Variants in CCDC88C observed in about 807,000 individuals in gnomAD.
The protein encoded by CCDC88C is protein Daple.
Under a neutral mutation model 198.8 loss-of-function variants are expected in CCDC88C, and 131 were observed. The observed-to-expected ratio is 0.66, with a 90% CI of 0.57 to 0.76. The LOEUF is 0.76. CCDC88C is among the 30% of genes least tolerant of loss of function. The pLI is 0.00. For missense variants in CCDC88C, 2,553 were observed against 2,631.6 expected (o/e 0.97, Z 0.65); for synonymous variants, 1,166 against 1,114.7 (o/e 1.05, Z -0.92).
chr14:91,348,346 A>G (rs1387214201), intron 4 of CCDC88C, among the ~76,000 whole-genome samples: 1 of 123,954 alleles, frequency 8.1e-6, no homozygotes, highest in South Asian at 2.6e-4. Flanking sequence ...AAAAAAAATT[A>G]GCCTGGCCTG....
intron 3 of CCDC88C, among the ~76,000 whole-genome samples, chr14:91,387,655 C>T (rs1885226650): frequency 2.0e-5 from 3 of 152,176 alleles, no homozygotes; most frequent in Admixed American, 2.0e-4. Flanking sequence ...AAGAAGTGCA[C>T]GGGCCAGCTG....
intron 3 of CCDC88C, among the ~76,000 whole-genome samples, chr14:91,376,731 G>C (rs1884443529): frequency 6.6e-6 from 1 of 152,178 alleles, no homozygotes; most frequent in Non-Finnish European, 1.5e-5. Context: ...CCCTCCCATG[G>C]GGGCCACGCA....
chr14:91,405,205 T>G (rs1886418857), intron 3 of CCDC88C, among the ~76,000 whole-genome samples: 1 of 152,074 alleles, frequency 6.6e-6, no homozygotes, highest in Admixed American at 6.6e-5. Flanking sequence ...CGGCCCACGC[T>G]CTTTAGGAAA....
chr14:91,281,187 G>A, intron 27 of CCDC88C: 1 of 765,822 alleles, frequency 1.3e-6, no homozygotes, highest in Non-Finnish European at 2.1e-6. Context: ...TTCCTGGCCA[G>A]CCTGGAAGGG....
Position 91,289,093 on chromosome 14 carries a change from G to T in CCDC88C, c.4441+12C>A. ...TTCCTCACCCGACCACGGCCAGGAC[G>T]GCCGCCCCTACCTTTCCCCACAGAC... On this transcript the variant is annotated intron_variant, in intron 25 of 29. Coordinates refer to ENST00000389857, the MANE Select transcript of CCDC88C (RefSeq NM_001080414.4). 3 of 1,606,808 alleles carry T rather than the reference G, an allele frequency of 1.9e-6. No homozygotes were observed. Among genetic ancestry groups the T allele is most frequent in the Non-Finnish European group, 2.5e-6 (3 of 1,177,600 alleles).
At chr14:91,376,625 A>G (rs1179210407) in intron 3 of CCDC88C, among the ~76,000 whole-genome samples, 1 of 152,218 alleles carries the variant, frequency 6.6e-6, no homozygotes, top group Non-Finnish European at 1.5e-5. Context: ...GCAGCTGGGC[A>G]TCCTGAGAGC....
chr14:91,321,765 A>G (rs1283908932), intron 12 of CCDC88C, among the ~76,000 whole-genome samples: 2 of 152,210 alleles, frequency 1.3e-5, no homozygotes, highest in African/African-American at 4.8e-5. Context: ...AGAAAGCTAC[A>G]CTGGAACATG....
rs769838253 is a variant in CCDC88C, at chr14:91,339,888, G to A, written c.620C>T (p.Thr207Ile). 20 of 1,585,098 alleles carry A rather than the reference G, an allele frequency of 1.3e-5. No individual in the cohort carries two copies. Among genetic ancestry groups the A allele is most frequent in the East Asian group, 2.3e-5 (1 of 42,926 alleles). Residue 207 changes from threonine (T) to isoleucine (I), a missense_variant, in exon 7 of 30, where the codon ACC becomes ATC. Physicochemically the swap from Thr to Ile is moderately conservative, Grantham distance 89 (BLOSUM62 -1). Transcript: ENST00000389857. The surrounding 1 kb of genome is among the most constrained non-coding windows in gnomAD (Gnocchi z 5.8). ...RRLIDQRDEC[T>I]ELIVDLTQER... ...GCCACCGACCCGCGGACGCACCTCG[G>A]TGCACTCGTCCCGCTGGTCGATGAG...
intron 22 of CCDC88C, among the ~76,000 whole-genome samples, chr14:91,295,648 A>C (rs932464547): frequency 6.6e-6 from 1 of 152,220 alleles, no homozygotes; most frequent in African/African-American, 2.4e-5. Context: ...ACCCAATGTA[A>C]GGCATATGGG....
intron 10 of CCDC88C, among the ~76,000 whole-genome samples, chr14:91,329,614 G>T (rs372571467): frequency 2.6e-5 from 4 of 152,228 alleles, no homozygotes; most frequent in African/African-American, 9.6e-5. Flanking sequence ...AAGGTCTGGA[G>T]GCAGACAGTC....
At chr14:91,369,646 TGTAACTCCATCTG>T (rs2139924374) in intron 3 of CCDC88C, among the ~76,000 whole-genome samples, 2 of 152,288 alleles carry the variant, frequency 1.3e-5, no homozygotes, top group South Asian at 4.1e-4. Context: ...CCCACATGCT[TGTAACTCCATCTG>T]CACAAGAGGC....
chr14:91,279,196 C>A (rs1349788947), intron 28 of CCDC88C, 42 bp downstream of exon 28: 1 of 1,530,920 alleles, frequency 6.5e-7, no homozygotes. Context: ...CTGTGCCTGG[C>A]CCAAATCAAT....
At chr14:91,298,323 G>C (rs1339395872) in intron 21 of CCDC88C, among the ~76,000 whole-genome samples, 1 of 151,832 alleles carries the variant, frequency 6.6e-6, no homozygotes, top group Non-Finnish European at 1.5e-5. Flanking sequence ...GCAGTGAGCC[G>C]AGATCGCGCC....
At chr14:91,328,099 A>G (rs1184972720) in intron 10 of CCDC88C, among the ~76,000 whole-genome samples, 1 of 152,230 alleles carries the variant, frequency 6.6e-6, no homozygotes, top group Non-Finnish European at 1.5e-5. Flanking sequence ...CTACTTGGCC[A>G]AATCATGCCA....
intron 2 of CCDC88C, among the ~76,000 whole-genome samples, chr14:91,415,576 C>A (rs1029693482): frequency 6.6e-6 from 1 of 151,966 alleles, no homozygotes; most frequent in Non-Finnish European, 1.5e-5. Context: ...CAAAATTAGC[C>A]GGGCGTGGTG....
At chr14:91,404,913 C>T (rs1348280822) in intron 3 of CCDC88C, among the ~76,000 whole-genome samples, 3 of 148,888 alleles carry the variant, frequency 2.0e-5, no homozygotes, top group East Asian at 2.0e-4. Flanking sequence ...TGCAGTGAGC[C>T]GAGATCACGC....
chr14:91,318,171 G>A (rs145460124), intron 13 of CCDC88C, among the ~76,000 whole-genome samples: 190 of 152,274 alleles, frequency 1.2e-3, no homozygotes, highest in African/African-American at 4.4e-3. Context: ...TGTGCTCCTA[G>A]CACTTTGGGA....
At position 91,273,571 on chromosome 14, in the gene CCDC88C, C is replaced by T. The variant is rs963411509; in HGVS notation, c.5141G>A (p.Gly1714Glu). 1 of 1,500,670 alleles carries T rather than the reference C, an allele frequency of 6.7e-7. No homozygotes were observed. The highest frequency in any genetic ancestry group is 8.9e-7 in the Non-Finnish European group (1 of 1,123,688). The allele number at this position is 1,500,670 out of a possible 1,614,324, so 93.0% of individuals were successfully genotyped here. ...SDPPAIGGQP[G>E]PPAKKEGAKM... ...GGCCCCTTCTTTCTTGGCAGGTGGT[C>T]CTGGTTGGCCTCCGATGGCTGGGGG... The change falls in exon 30 of 30, where the codon GGA (glycine) becomes GAA (glutamate). Residue 1714 changes from glycine (G) to glutamate (E), a missense_variant. By Grantham distance (98) the Gly-to-Glu change is moderately conservative. This residue lies in a region of CCDC88C where 1,293 missense variants were observed against 1,219.6 expected (regional missense o/e 1.06). Coordinates refer to ENST00000389857, the MANE Select transcript of CCDC88C (RefSeq NM_001080414.4). The surrounding 1 kb of genome is among the most constrained non-coding windows in gnomAD (Gnocchi z 5.6).
chr14:91,304,462 G>A (rs927137786), intron 19 of CCDC88C, among the ~76,000 whole-genome samples: 3 of 152,202 alleles, frequency 2.0e-5, no homozygotes, highest in Non-Finnish European at 2.9e-5. Flanking sequence ...GGTGTTGTAT[G>A]CCTATAGTCC....
Sources: gnomAD v4.1 joint callset for allele counts (sites outside exome capture counted in the v4.1 genomes callset) on GRCh38, gnomAD v4.1.1 for gene constraint, gnomAD v4.1.1 regional missense constraint, Gnocchi (gnomAD v3.1) non-coding constraint, MANE v1.5 for transcripts, NCBI Gene and HGNC (gene_info 2026-07-23, HGNC 2026-07-21) for gene names.